The following RFC5 variants were observed in gnomAD, a reference collection of about 807,000 sequenced individuals.
RFC5 encodes A1 36 kDa subunit.
In RFC5, 26 loss-of-function variants were observed where a neutral mutation model predicts 44.3. That is an observed-to-expected ratio of 0.59 (90% CI 0.43 to 0.81). The LOEUF is 0.81. Among genes scored for constraint, RFC5 ranks in the 40% least tolerant of loss-of-function variants. The pLI is 0.00. For missense variants in RFC5, 328 were observed against 418.6 expected, an observed-to-expected ratio of 0.78 and a Z score of 1.89; for synonymous variants, 155 against 155.2, an observed-to-expected ratio of 1.00 and a Z score of 0.01.
chr12:118,038,804 C>T, the RFC5 span, among the ~76,000 whole-genome samples: 1 of 152,156 alleles, frequency 6.6e-6, no homozygotes, highest in Admixed American at 6.5e-5. Context: ...CCTCAGCCTC[C>T]TGAGTAGCTG....
chr12:118,031,341 C>T lies in RFC5; in HGVS notation c.*63C>T. On this transcript the variant is annotated 3_prime_UTR_variant, in exon 11 of 11. Coordinates refer to ENST00000454402, the MANE Select transcript of RFC5 (RefSeq NM_007370.7). Reference sequence around the variant, plus strand: ...AGTGATGGGAGAACAGAGGACAGTTCCAGGATAAACTGCTGCCTGGGGCTG... The same window carrying T: ...AGTGATGGGAGAACAGAGGACAGTTTCAGGATAAACTGCTGCCTGGGGCTG... 5 of 1,094,704 alleles carry T rather than the reference C, an allele frequency of 4.6e-6. No individual in the cohort carries two copies. In the South Asian group the frequency reaches 6.7e-5, roughly 15 times the overall value. 67.8% of individuals were successfully genotyped at this position (1,094,704 alleles called of 1,614,324 possible).
downstream of RFC5, among the ~76,000 whole-genome samples, chr12:118,037,656 G>A (rs1375537748): frequency 2.1e-5 from 3 of 142,472 alleles, no homozygotes; most frequent in African/African-American, 5.2e-5. Context: ...CAACAACAGC[G>A]AAACTCTGTC....
chr12:118,019,177 G>A lies in RFC5; in HGVS notation c.130+41G>A, dbSNP rs567114982. 14 of 1,412,596 alleles carry A rather than the reference G, an allele frequency of 9.9e-6. No homozygotes were observed. The highest frequency in any genetic ancestry group is 6.8e-5 in the East Asian group (3 of 43,986). The allele number at this position is 1,412,596 out of a possible 1,614,324, so 87.5% of individuals were successfully genotyped here. On this transcript the variant is annotated intron_variant, in intron 2 of 10. Transcript: ENST00000454402. This position sits in a 1 kb window ranked among gnomAD's most constrained non-coding sequence, Gnocchi z 4.2. ...TCAGTTGCTCTTGTCCTGCTTGAGCGACTTGTATAAATTGCTTGGTGATGT... is the reference window on the plus strand; with the variant it reads ...TCAGTTGCTCTTGTCCTGCTTGAGCAACTTGTATAAATTGCTTGGTGATGT...
At chr12:118,028,154 C>T (rs1346610168) in intron 9 of RFC5, 124 bp downstream of exon 9, 8 of 680,744 alleles carry the variant, frequency 1.2e-5, no homozygotes, top group East Asian at 2.7e-5. Flanking sequence ...AAATCAGACC[C>T]TTCTTGTTAG....
chr12:118,024,765 T>G, intron 5 of RFC5, 86 bp from the exon 6 acceptor site: 2 of 1,159,258 alleles, frequency 1.7e-6, no homozygotes. Context: ...TATACCCTTG[T>G]GACCACAGAA....
chr12:118,041,197 T>C, the RFC5 span, among the ~76,000 whole-genome samples: 1 of 152,078 alleles, frequency 6.6e-6, no homozygotes, highest in Non-Finnish European at 1.5e-5. Flanking sequence ...TAATCCCCAA[T>C]GTGATGGTAT....
rs1426384180 is a variant in RFC5, at chr12:118,016,718, G to A, written c.-110G>A. 9.3e-5 allele frequency: 82 copies of A among 879,210 alleles called. No individual in the cohort carries two copies. Among genetic ancestry groups the A allele is most frequent in the Non-Finnish European group, 1.4e-4 (78 of 546,152 alleles). The allele number at this position is 879,210 out of a possible 1,614,324, so 54.5% of individuals were successfully genotyped here. A position where few individuals can be genotyped will look rare whatever the true frequency, so the allele number is the denominator to read the frequency against. The stretch of plus-strand genomic sequence containing the variant: ...CGCGTCTCGCGAGAGTTGCTTTTGC[G>A]CGCGAACTGTAAGTGCCAGGGTCTC... On this transcript the variant is annotated 5_prime_UTR_variant, in exon 1 of 11. Transcript: ENST00000454402.
chr12:118,023,453 G>GGAGGAA (rs2030685149), intron 5 of RFC5, among the ~76,000 whole-genome samples: 1 of 69,312 alleles, frequency 1.4e-5, no homozygotes, highest in Non-Finnish European at 2.6e-5. Context: ...AGGAGGAGGA[G>GGAGGAA]GGGGAGGAGA....
In RFC5 at chr12:118,026,972, C is replaced by A. The variant is rs1313812334; in HGVS notation, c.747C>A (p.Asn249Lys). ...ACCCGCTCAAGTCAGACATTGCCAA[C>A]ATCCTGGACTGGATGTTGAATCAAG... ...TGHPLKSDIA[N>K]ILDWMLNQDF... Residue 249 changes from asparagine to lysine, a missense_variant, in exon 8 of 11, where the codon AAC becomes AAA. Coordinates refer to ENST00000454402, the MANE Select transcript of RFC5 (RefSeq NM_007370.7). 1 of 1,613,992 alleles carries A rather than the reference C, an allele frequency of 6.2e-7. No individual in the cohort carries two copies. The highest frequency in any genetic ancestry group is 2.2e-5 in the East Asian group (1 of 44,876).
intron 7 of RFC5, among the ~76,000 whole-genome samples, chr12:118,026,317 T>C (rs1312387725): frequency 1.3e-5 from 2 of 152,046 alleles, no homozygotes; most frequent in East Asian, 3.9e-4. Context: ...AATCACTTGT[T>C]GCAGGCCAGG....
Position 118,027,970 on chromosome 12 carries a change from A to C in RFC5, c.811A>C (p.Thr271Pro). 1 of 1,608,364 alleles carries C rather than the reference A, an allele frequency of 6.2e-7. No homozygotes were observed. Among genetic ancestry groups the C allele is most frequent in the Non-Finnish European group, 8.5e-7 (1 of 1,175,476 alleles). ...TCCTCTAGATATTACAGAGTTGAAA[A>C]CTCTGAAGGGGTTGGCACTGCATGA... ...TAYRNITELK[T>P]LKGLALHDIL... The change falls in exon 9 of 11, where the codon ACT becomes CCT. Residue 271 changes from threonine to proline, a missense_variant. Coordinates refer to ENST00000454402, the MANE Select transcript of RFC5 (RefSeq NM_007370.7).
intron 3 of RFC5, 134 bp from the exon 4 acceptor site, chr12:118,020,772 T>C (rs992344460): frequency 5.6e-6 from 3 of 534,680 alleles, no homozygotes; most frequent in Admixed American, 6.7e-5. Context: ...TATTTTATGA[T>C]GATCTCTTAG....
At chr12:118,017,647 C>A in intron 1 of RFC5, 1 of 1,006,324 alleles carries the variant, frequency 9.9e-7, no homozygotes, top group Non-Finnish European at 1.3e-6. Context: ...AGAAGATTGA[C>A]AGTTGTAACT....
At chr12:118,035,151 C>A (rs1404934098), downstream of RFC5, 4 of 1,611,826 alleles carry the variant, frequency 2.5e-6, no homozygotes, top group Admixed American at 6.7e-5. Flanking sequence ...ACCAAGAGGG[C>A]CTTGCTGCCA....
chr12:118,028,989 T>C (rs1300691555), intron 9 of RFC5, among the ~76,000 whole-genome samples: 3 of 152,264 alleles, frequency 2.0e-5, no homozygotes, highest in African/African-American at 7.2e-5. Context: ...TGCCCAGGCC[T>C]TCACAGGCCT....
downstream of RFC5, among the ~76,000 whole-genome samples, chr12:118,036,684 G>A (rs2031518802): frequency 1.3e-5 from 2 of 152,110 alleles, no homozygotes; most frequent in South Asian, 2.1e-4. Context: ...AAGGCAACTG[G>A]TCTGGATTCT....
intron 5 of RFC5, among the ~76,000 whole-genome samples, chr12:118,023,320 T>C (rs1423768319): frequency 6.7e-6 from 1 of 150,214 alleles, no homozygotes; most frequent in African/African-American, 2.5e-5. Context: ...GTGAATCAGC[T>C]TTGAGAGAAG....
At chr12:118,017,207 A>T (rs554837055) in intron 1 of RFC5, among the ~76,000 whole-genome samples, 8 of 152,326 alleles carry the variant, frequency 5.3e-5, no homozygotes, top group African/African-American at 1.9e-4. Context: ...AATGGCCTCC[A>T]TGCCAAAATG....
intron 6 of RFC5, chr12:118,025,227 C>T: frequency 2.1e-6 from 1 of 477,834 alleles, no homozygotes; most frequent in Non-Finnish European, 3.7e-6. Context: ...TTTCTTGATT[C>T]CATCCTCCTC....
Sources: gnomAD v4.1 joint callset for allele counts (sites outside exome capture counted in the v4.1 genomes callset) on GRCh38, gnomAD v4.1.1 for gene constraint, Gnocchi (gnomAD v3.1) non-coding constraint, MANE v1.5 for transcripts, NCBI Gene and HGNC (gene_info 2026-07-23, HGNC 2026-07-21) for gene names.